The following ZNF431 variants were observed in gnomAD, a reference collection of about 807,000 sequenced individuals.
ZNF431 encodes zinc finger protein 431.
A neutral mutation model predicts 57.0 loss-of-function variants in ZNF431; 34 were observed. That is an observed-to-expected ratio of 0.60 (90% CI 0.45 to 0.79). The LOEUF (loss-of-function observed/expected upper bound fraction) is 0.79. ZNF431 is among the 30% of genes least tolerant of loss of function. The pLI is 0.00. For synonymous variants in ZNF431, 207 were observed against 220.3 expected (o/e 0.94, Z 0.54); for missense variants, 607 against 667.1 (o/e 0.91, Z 0.99).
rs1971560424 is a variant in ZNF431, at chr19:21,194,087, T to C, written c.*10053T>C. 6.6e-6 allele frequency: 1 copy of C among 152,210 alleles called. No individual in the cohort carries two copies. The highest frequency in any genetic ancestry group is 1.5e-5 in the Non-Finnish European group (1 of 68,026). 9.4% of individuals were successfully genotyped at this position (152,210 alleles called of 1,614,324 possible). On this transcript the variant is annotated 3_prime_UTR_variant, in exon 5 of 5. Coordinates refer to ENST00000311048, the MANE Select transcript of ZNF431 (RefSeq NM_133473.4). The stretch of plus-strand genomic sequence containing the variant: ...GAAGTGAAATTACCTTCACTCATGA[T>C]ATAATTCTCTACCTAGAAAACTTTA...
intron 2 of ZNF431, among the ~76,000 whole-genome samples, chr19:21,163,418 G>A (rs926796882): frequency 3.3e-5 from 5 of 152,184 alleles, no homozygotes; most frequent in African/African-American, 1.2e-4. Flanking sequence ...GAACCCAGGG[G>A]TAGCAACATC....
At chr19:21,175,616 T>C (rs201960273) in intron 4 of ZNF431, 94 of 507,532 alleles carry the variant, frequency 1.9e-4, no homozygotes, top group Middle Eastern at 1.0e-3. Flanking sequence ...GTTGTTTCCC[T>C]CCATATGTCC....
chr19:21,163,394 C>G (rs1194098278), intron 2 of ZNF431, among the ~76,000 whole-genome samples: 2 of 152,212 alleles, frequency 1.3e-5, no homozygotes, highest in African/African-American at 4.8e-5. Context: ...CTTTCTCTAA[C>G]TACTGCTAAT....
intron 4 of ZNF431, among the ~76,000 whole-genome samples, chr19:21,178,817 G>GTGTGTGT (rs772870721): frequency 6.0e-5 from 9 of 150,552 alleles, no homozygotes; most frequent in Non-Finnish European, 1.0e-4. Flanking sequence ...GTGTGTGTGT[G>GTGTGTGT]TGTTGTTGTT....
rs1971327287 is a variant in ZNF431 at position 21,185,023 on chromosome 19, A to T, written c.*989A>T. 1 of 152,194 alleles carries T rather than the reference A, an allele frequency of 6.6e-6. No homozygotes were observed. Among genetic ancestry groups the T allele is most frequent in the Admixed American group, 6.5e-5 (1 of 15,274 alleles). 9.4% of individuals were successfully genotyped at this position (152,194 alleles called of 1,614,324 possible). ...TTGTGCAAATATAATAAATTTGGAA[A>T]AACAATTTTTCAAAAACTACAGCTT... On this transcript the variant is annotated 3_prime_UTR_variant, in exon 5 of 5. Coordinates refer to ENST00000311048, the MANE Select transcript of ZNF431 (RefSeq NM_133473.4).
At position 21,194,737 on chromosome 19, in the gene ZNF431, G is replaced by T. The variant is rs1408353846; in HGVS notation, c.*10703G>T. 1 of 152,180 alleles carries T rather than the reference G, an allele frequency of 6.6e-6. No individual in the cohort carries two copies. The highest frequency in any genetic ancestry group is 1.5e-5 in the Non-Finnish European group (1 of 68,044). 9.4% of individuals were successfully genotyped at this position (152,180 alleles called of 1,614,324 possible). ...TGGGATTACAGGTGCGACCCACCATGCCTGGCCCAACCCCATATTATTTCT... is the reference window on the plus strand; with the variant it reads ...TGGGATTACAGGTGCGACCCACCATTCCTGGCCCAACCCCATATTATTTCT... On this transcript the variant is annotated 3_prime_UTR_variant, in exon 5 of 5. Coordinates refer to ENST00000311048, the MANE Select transcript of ZNF431 (RefSeq NM_133473.4).
intron 2 of ZNF431, among the ~76,000 whole-genome samples, chr19:21,155,527 C>G (rs1232240210): frequency 6.6e-6 from 1 of 152,110 alleles, no homozygotes; most frequent in African/African-American, 2.4e-5. Context: ...TCCATATGAA[C>G]TTTAAAGTAG....
At chr19:21,143,379 G>C (rs982514886) in intron 1 of ZNF431, among the ~76,000 whole-genome samples, 172 bp from the exon 2 acceptor site, 4 of 151,972 alleles carry the variant, frequency 2.6e-5, no homozygotes, top group African/African-American at 9.7e-5. Flanking sequence ...AATGTTTTTC[G>C]GTCAAGGTTT....
chr19:21,147,629 A>G (rs1021025675), intron 2 of ZNF431, among the ~76,000 whole-genome samples: 63 of 151,914 alleles, frequency 4.1e-4, no homozygotes, highest in African/African-American at 1.4e-3. Context: ...ACCATGATTG[A>G]CAAGGAAATT....
chr19:21,183,662 G>C lies in ZNF431; in HGVS notation c.1359G>C (p.Glu453Asp). The C allele has an allele frequency of 6.2e-7, 1 of 1,612,918 alleles. No individual in the cohort carries two copies. Among genetic ancestry groups the C allele is most frequent in the Non-Finnish European group, 8.5e-7 (1 of 1,179,808 alleles). Reference protein sequence around the residue: ...LTAHKIIHTGEKPYKCEECGK... With the variant: ...LTAHKIIHTGDKPYKCEECGK... ...CACATAAGATAATTCATACTGGAGAGAAACCTTACAAATGTGAAGAATGTG... is the reference window on the plus strand; with the variant it reads ...CACATAAGATAATTCATACTGGAGACAAACCTTACAAATGTGAAGAATGTG... Residue 453 changes from glutamate (E) to aspartate (D), a missense_variant, in exon 5 of 5, where the codon GAG becomes GAC. Physicochemically the swap from Glu to Asp is conservative, Grantham distance 45 (BLOSUM62 2). Coordinates refer to ENST00000311048, the MANE Select transcript of ZNF431 (RefSeq NM_133473.4).
In ZNF431 at chr19:21,166,238, T is replaced by C. The variant is rs1361559628; in HGVS notation, c.97-97T>C. Reference sequence around the variant, plus strand: ...AGTTATTCTTATAAGTCAGAATCAGTTCTCTTTACTCTCTCAATTCACCTT... The same window carrying C: ...AGTTATTCTTATAAGTCAGAATCAGCTCTCTTTACTCTCTCAATTCACCTT... On this transcript the variant is annotated intron_variant, in intron 2 of 4. Transcript: ENST00000311048. The C allele has an allele frequency of 3.3e-6, 5 of 1,502,610 alleles. No individual in the cohort carries two copies. The African/African-American group carries it at 7.1e-5, about 21-fold the overall frequency. The allele number at this position is 1,502,610 out of a possible 1,614,324, so 93.1% of individuals were successfully genotyped here.
chr19:21,152,000 C>T lies in ZNF431; in HGVS notation c.96+8357C>T, dbSNP rs971638829. On this transcript the variant is annotated intron_variant, in intron 2 of 4. Coordinates refer to ENST00000311048, the MANE Select transcript of ZNF431 (RefSeq NM_133473.4). ...GTGGCCCTAGTGATGTGGCTGGCTG[C>T]ACCACAGCCCCGTGGGCCAAGCCAC... Among the ~76,000 whole-genome samples, 4 of 152,178 alleles carry T rather than the reference C, an allele frequency of 2.6e-5. No homozygotes were observed. The South Asian group carries it at 8.3e-4, about 31-fold the overall frequency.
intron 2 of ZNF431, among the ~76,000 whole-genome samples, chr19:21,148,237 G>A (rs535512252): frequency 3.3e-5 from 5 of 151,966 alleles, no homozygotes; most frequent in South Asian, 2.1e-4. Context: ...CCTTGTGATC[G>A]GCCCGCCTTG....
chr19:21,178,192 C>G (rs199802391), intron 4 of ZNF431, among the ~76,000 whole-genome samples: 1 of 152,094 alleles, frequency 6.6e-6, no homozygotes, highest in Non-Finnish European at 1.5e-5. Context: ...TTTGCTGAAG[C>G]TGCTTATTAG....
At chr19:21,182,305 C>G (rs767499617) in intron 4 of ZNF431, among the ~76,000 whole-genome samples, 2 of 152,136 alleles carry the variant, frequency 1.3e-5, no homozygotes, top group Admixed American at 6.5e-5. Context: ...TTGAAAGGCA[C>G]TATGTTGTAT....
At chr19:21,152,323 GATA>G (rs1052018733) in intron 2 of ZNF431, among the ~76,000 whole-genome samples, 2 of 152,180 alleles carry the variant, frequency 1.3e-5, no homozygotes, top group African/African-American at 2.4e-5. Context: ...TCATTGCAGC[GATA>G]ATAAAAAGTT....
rs994151058 is a variant in ZNF431, at chr19:21,190,508, T to A, written c.*6474T>A. The A allele has an allele frequency of 6.6e-6, 1 of 152,288 alleles. No individual in the cohort carries two copies. Among genetic ancestry groups the A allele is most frequent in the East Asian group, 1.9e-4 (1 of 5,188 alleles). 9.4% of individuals were successfully genotyped at this position (152,288 alleles called of 1,614,324 possible). A position where few individuals can be genotyped will look rare whatever the true frequency, so the allele number is the denominator to read the frequency against. ...TACCAACACTTTTTTCTTTTTCTTT[T>A]AATAAGAGTTATTCTAACAGGAATG... On this transcript the variant is annotated 3_prime_UTR_variant, in exon 5 of 5. Coordinates refer to ENST00000311048, the MANE Select transcript of ZNF431 (RefSeq NM_133473.4).
intron 2 of ZNF431, among the ~76,000 whole-genome samples, chr19:21,147,845 A>T (rs1417293185): frequency 6.6e-6 from 1 of 152,170 alleles, no homozygotes; most frequent in Non-Finnish European, 1.5e-5. Flanking sequence ...CATACCAATA[A>T]CATATTTACA....
At chr19:21,158,196 C>T (rs940645433) in intron 2 of ZNF431, among the ~76,000 whole-genome samples, 4 of 151,894 alleles carry the variant, frequency 2.6e-5, no homozygotes, top group Non-Finnish European at 5.9e-5. Context: ...TTTGTGTCAT[C>T]TCTGACTTTT....
Sources: allele counts gnomAD v4.1 joint callset (sites outside exome capture counted in the v4.1 genomes callset), GRCh38; gene constraint gnomAD v4.1.1; transcripts MANE v1.5; gene names NCBI Gene and HGNC (gene_info 2026-07-23, HGNC 2026-07-21).